The following LIN28B variants were observed in gnomAD, a reference collection of about 807,000 sequenced individuals.
LIN28B encodes the protein lin-28 RNA binding posttranscriptional regulator B, also known as protein lin-28 homolog B.
A neutral mutation model predicts 21.9 loss-of-function variants in LIN28B; 5 were observed. That is an observed-to-expected ratio of 0.23 (90% CI 0.12 to 0.48). The LOEUF is 0.48. LIN28B is among the 20% of genes least tolerant of loss of function. LIN28B has a pLI of 0.98. For synonymous variants in LIN28B, 109 were observed against 111.3 expected (o/e 0.98, Z 0.13); for missense variants, 245 against 310.5 (o/e 0.79, Z 1.58).
chr6:105,032,458 C>T (rs1225744347), intron 3 of LIN28B, among the ~76,000 whole-genome samples: 1 of 152,158 alleles, frequency 6.6e-6, no homozygotes, highest in Non-Finnish European at 1.5e-5. Context: ...CGTGTGGTGG[C>T]TCACACCTTT....
At position 105,078,687 on chromosome 6, in the gene LIN28B, C is replaced by T. The variant is rs149633843; in HGVS notation, c.657C>T (p.Gly219=). The part of the protein sequence containing the change: ...EARAEISERS[G]RSPQEASSTK... ...GGGCAGAGATCTCAGAACGGTCAGG[C>T]AGGTCACCTCAAGAAGCTTCCTCCA... is the stretch of plus-strand genomic sequence containing the variant. The change falls in exon 4 of 4, where the codon GGC becomes GGT. Residue 219 remains glycine, a synonymous_variant. Coordinates refer to ENST00000345080, the MANE Select transcript of LIN28B (RefSeq NM_001004317.4). 3.3e-5 allele frequency: 54 copies of T among 1,613,986 alleles called. No homozygotes were observed. The highest frequency in any genetic ancestry group is 4.4e-5 in the Non-Finnish European group (52 of 1,180,022).
chr6:105,081,241 C>T lies in LIN28B; in HGVS notation c.*2458C>T, dbSNP rs986481708. The T allele has an allele frequency of 6.6e-6, 1 of 152,582 alleles. No individual in the cohort carries two copies. The highest frequency in any genetic ancestry group is 1.5e-5 in the Non-Finnish European group (1 of 68,034). The allele number at this position is 152,582 out of a possible 1,614,324, so 9.5% of individuals were successfully genotyped here. The stretch of plus-strand genomic sequence containing the variant: ...TATACCTTTATATAAGTATTATGTA[C>T]TGATGATAGTAACTACCTCTGAGTT... On this transcript the variant is annotated 3_prime_UTR_variant, in exon 4 of 4. Coordinates refer to ENST00000345080, the MANE Select transcript of LIN28B (RefSeq NM_001004317.4).
chr6:104,989,980 T>G (rs1770429818), intron 2 of LIN28B, among the ~76,000 whole-genome samples: 1 of 152,120 alleles, frequency 6.6e-6, no homozygotes, highest in Admixed American at 6.6e-5. Flanking sequence ...CGGAGACTAC[T>G]TTAACCACAT....
chr6:105,069,883 G>T (rs1772297940), intron 3 of LIN28B, among the ~76,000 whole-genome samples: 1 of 152,080 alleles, frequency 6.6e-6, no homozygotes, highest in African/African-American at 2.4e-5. Context: ...ATCACAACCA[G>T]AAATTTCAAG....
intron 2 of LIN28B, among the ~76,000 whole-genome samples, chr6:104,963,306 A>G (rs1255227883): frequency 6.6e-6 from 1 of 152,172 alleles, no homozygotes; most frequent in Non-Finnish European, 1.5e-5. Flanking sequence ...TCGGCCTCCC[A>G]AAGTGCTGGG....
At chr6:105,046,853 T>C (rs956648025) in intron 3 of LIN28B, among the ~76,000 whole-genome samples, 16 of 152,198 alleles carry the variant, frequency 1.1e-4, no homozygotes, top group African/African-American at 3.9e-4. Context: ...CGCCCACTTG[T>C]TGGTGGGGTT....
chr6:104,975,389 G>A (rs925354542), intron 2 of LIN28B, among the ~76,000 whole-genome samples: 1 of 151,920 alleles, frequency 6.6e-6, no homozygotes, highest in Admixed American at 6.6e-5. Flanking sequence ...TTTATATTTT[G>A]TTTTAAATGC....
intron 3 of LIN28B, among the ~76,000 whole-genome samples, chr6:105,035,524 G>C (rs1254640907): frequency 2.6e-5 from 4 of 152,102 alleles, no homozygotes; most frequent in Non-Finnish European, 5.9e-5. Flanking sequence ...ATGGTAAATG[G>C]AATGGAAAAA....
chr6:104,981,511 A>G (rs1309939903), intron 2 of LIN28B, among the ~76,000 whole-genome samples: 3 of 152,148 alleles, frequency 2.0e-5, no homozygotes, highest in Non-Finnish European at 4.4e-5. Context: ...TTTATTATAA[A>G]CTTTTAATTC....
intron 3 of LIN28B, among the ~76,000 whole-genome samples, chr6:105,056,805 A>G (rs551511960): frequency 1.3e-5 from 2 of 152,234 alleles, no homozygotes; most frequent in East Asian, 3.9e-4. Flanking sequence ...TTTATGGCTC[A>G]CTGAGATCCT....
intron 2 of LIN28B, among the ~76,000 whole-genome samples, chr6:105,006,414 C>A (rs1343705146): frequency 6.6e-6 from 1 of 152,150 alleles, no homozygotes; most frequent in African/African-American, 2.4e-5. Context: ...CAGGTTCAAG[C>A]AATTCTCCTG....
intron 2 of LIN28B, among the ~76,000 whole-genome samples, chr6:104,983,839 G>C (rs1001440113): frequency 6.6e-6 from 1 of 152,196 alleles, no homozygotes; most frequent in East Asian, 1.9e-4. Context: ...GCCTCCCAAA[G>C]TGCTGGAATT....
rs193046029 is a variant in LIN28B, at chr6:105,060,559, G to A, written c.384-17855G>A. Among the ~76,000 whole-genome samples, 9 of 152,298 alleles carry A rather than the reference G, an allele frequency of 5.9e-5. No individual in the cohort carries two copies. The South Asian group carries it at 6.2e-4, about 11-fold the overall frequency. ...ACCTGGAGTATCAGTTACAGTGACCGATCTGTGACATGGCATGAAGGCTAG... is the reference window on the plus strand; with the variant it reads ...ACCTGGAGTATCAGTTACAGTGACCAATCTGTGACATGGCATGAAGGCTAG... On this transcript the variant is annotated intron_variant, in intron 3 of 3. Coordinates refer to ENST00000345080, the MANE Select transcript of LIN28B (RefSeq NM_001004317.4).
At chr6:105,041,737 A>G (rs1771642092) in intron 3 of LIN28B, among the ~76,000 whole-genome samples, 1 of 152,210 alleles carries the variant, frequency 6.6e-6, no homozygotes, top group Non-Finnish European at 1.5e-5. Context: ...CATCAGCATC[A>G]CATGGGATCT....
chr6:105,045,061 G>A (rs936786162), intron 3 of LIN28B, among the ~76,000 whole-genome samples: 3 of 151,986 alleles, frequency 2.0e-5, no homozygotes, highest in Admixed American at 1.3e-4. Flanking sequence ...ATAGTTTAAC[G>A]TTAAACTGTT....
At chr6:104,938,524 A>G (rs1778039731) in intron 2 of LIN28B, among the ~76,000 whole-genome samples, 1 of 152,038 alleles carries the variant, frequency 6.6e-6, no homozygotes. Context: ...CTGTAATCCC[A>G]GCTACTTAGG....
intron 2 of LIN28B, among the ~76,000 whole-genome samples, chr6:105,004,395 T>A (rs762991178): frequency 6.6e-6 from 1 of 152,188 alleles, no homozygotes; most frequent in Non-Finnish European, 1.5e-5. Context: ...CCCTCTTTCT[T>A]TTTTGTACAG....
chr6:105,077,320 A>G (rs2114425528), intron 3 of LIN28B, among the ~76,000 whole-genome samples: 1 of 152,330 alleles, frequency 6.6e-6, no homozygotes, highest in Non-Finnish European at 1.5e-5. Context: ...GAAAGCTCTT[A>G]AAATATTTCA....
intron 2 of LIN28B, among the ~76,000 whole-genome samples, chr6:104,982,054 C>T (rs1770235569): frequency 6.6e-6 from 1 of 152,084 alleles, no homozygotes; most frequent in African/African-American, 2.4e-5. Flanking sequence ...GTGGCTCACA[C>T]CTGTAATCCC....
Sources: allele counts gnomAD v4.1 joint callset (sites outside exome capture counted in the v4.1 genomes callset), GRCh38; gene constraint gnomAD v4.1.1; transcripts MANE v1.5; gene names NCBI Gene and HGNC (gene_info 2026-07-23, HGNC 2026-07-21).